The following PRKAG2 variants were observed in gnomAD, a reference collection of about 807,000 sequenced individuals.
PRKAG2 encodes 5'-AMP-activated protein kinase subunit gamma-2.
PRKAG2 carries 26 observed loss-of-function variants against 69.6 expected under a neutral mutation model. The ratio of observed to expected loss-of-function variants is 0.37; its 90% CI spans 0.27 to 0.52. The LOEUF (loss-of-function observed/expected upper bound fraction) is 0.52. PRKAG2 is among the 20% of genes least tolerant of loss of function. PRKAG2 has a pLI of 0.90. For missense variants in PRKAG2, 557 were observed against 740.0 expected (o/e 0.75, Z 2.87); for synonymous variants, 293 against 285.0 (o/e 1.03, Z -0.28).
At chr7:151,717,848 AG>A (rs1182346215) in intron 3 of PRKAG2, among the ~76,000 whole-genome samples, 3 of 152,224 alleles carry the variant, frequency 2.0e-5, no homozygotes, top group African/African-American at 7.2e-5. Flanking sequence ...CCACCAGGAA[AG>A]CATCTCCTCA....
At chr7:151,709,544 T>C (rs548108088) in intron 3 of PRKAG2, among the ~76,000 whole-genome samples, 7 of 152,146 alleles carry the variant, frequency 4.6e-5, no homozygotes, top group Admixed American at 1.3e-4. Flanking sequence ...CATGGTGACA[T>C]TGAGTGACTT....
chr7:151,574,780 A>C (rs991153729), intron 8 of PRKAG2, 111 bp downstream of exon 8: 72 of 1,507,330 alleles, frequency 4.8e-5, no homozygotes, highest in Admixed American at 6.4e-5. Context: ...ACACCATACC[A>C]AAAAAGAAAA....
intron 5 of PRKAG2, among the ~76,000 whole-genome samples, chr7:151,623,874 AAG>A: frequency 6.6e-6 from 1 of 152,264 alleles, no homozygotes; most frequent in African/African-American, 2.4e-5. Flanking sequence ...GAGCCAAGGA[AAG>A]AGGGTAAATA....
intron 8 of PRKAG2, among the ~76,000 whole-genome samples, chr7:151,574,618 C>A (rs1472962311): frequency 6.6e-6 from 1 of 152,144 alleles, no homozygotes; most frequent in Non-Finnish European, 1.5e-5. Context: ...TTCTGCTAAG[C>A]CAAGGAATTC....
intron 5 of PRKAG2, among the ~76,000 whole-genome samples, chr7:151,613,863 G>GC (rs57553002): frequency 0.29 from 40,280 of 138,462 alleles, 5,665 homozygotes; most frequent in Middle Eastern, 0.33. Flanking sequence ...GAGTGCAGTG[G>GC]ACGATCTCGG....
At chr7:151,636,634 A>G (rs1825780631) in intron 4 of PRKAG2, among the ~76,000 whole-genome samples, 1 of 152,112 alleles carries the variant, frequency 6.6e-6, no homozygotes. Context: ...TTGTGTGGAC[A>G]TGTGTTTCAT....
intron 4 of PRKAG2, among the ~76,000 whole-genome samples, chr7:151,657,974 ACAG>A (rs1240766120): frequency 2.6e-5 from 4 of 151,450 alleles, no homozygotes; most frequent in Non-Finnish European, 1.5e-5. Context: ...CCTGGCTAAC[ACAG>A]TGAAACCCCA....
chr7:151,793,758 C>T (rs1022723797), intron 1 of PRKAG2, among the ~76,000 whole-genome samples: 6 of 152,234 alleles, frequency 3.9e-5, no homozygotes, highest in South Asian at 2.1e-4. Context: ...AACCACCAAA[C>T]GGGCAATTCT....
At chr7:151,606,016 C>T (rs2151192358) in intron 5 of PRKAG2, among the ~76,000 whole-genome samples, 1 of 151,766 alleles carries the variant, frequency 6.6e-6, no homozygotes, top group East Asian at 1.9e-4. Context: ...TACTACACTC[C>T]AGCCTGGGGA....
At chr7:151,599,863 G>A (rs1479425521) in intron 5 of PRKAG2, among the ~76,000 whole-genome samples, 1 of 152,142 alleles carries the variant, frequency 6.6e-6, no homozygotes, top group Non-Finnish European at 1.5e-5. Context: ...CCTGGCCCCC[G>A]CCTACCTCCC....
rs1468350978 is a variant in PRKAG2 at position 151,771,431 on chromosome 7, C to T, written c.466+9721G>A. ...AGGGATTATTCCACTTCCTCCTTTC[C>T]TCCTGCACTCTGTTCCAAAGCCAGA... On this transcript the variant is annotated intron_variant, in intron 3 of 15. Transcript: ENST00000287878. This position sits in a 1 kb window ranked among gnomAD's most constrained non-coding sequence, Gnocchi z 4.0. Among the ~76,000 whole-genome samples, 2 of 152,152 alleles carry T rather than the reference C, an allele frequency of 1.3e-5. No individual in the cohort carries two copies. Among genetic ancestry groups the T allele is most frequent in the African/African-American group, 4.8e-5 (2 of 41,420 alleles).
chr7:151,568,956 G>T (rs1806905586), intron 10 of PRKAG2, 114 bp from the exon 11 acceptor site: 1 of 1,236,510 alleles, frequency 8.1e-7, no homozygotes, highest in Non-Finnish European at 1.2e-6. Flanking sequence ...TAATAACAGT[G>T]TTTTGGAAGA....
intron 3 of PRKAG2, among the ~76,000 whole-genome samples, chr7:151,718,460 C>A (rs780860331): frequency 1.2e-4 from 19 of 152,140 alleles, no homozygotes; most frequent in African/African-American, 4.6e-4. Context: ...CAGCACGGCA[C>A]GAGTCCTCCA....
rs201896415 is a variant in PRKAG2 at position 151,634,942 on chromosome 7, T to TTTTG, written c.685-2805_685-2804insCAAA. The stretch of plus-strand genomic sequence containing the variant: ...GGGAATGCAAAATGGAACCACTGTT[T>TTTTG]TTTTTTTTTTTTTTCTTTTTTTTTT... On this transcript the variant is annotated intron_variant, in intron 4 of 15. Coordinates refer to ENST00000287878, the MANE Select transcript of PRKAG2 (RefSeq NM_016203.4). Among the ~76,000 whole-genome samples the TTTTG allele has an allele frequency of 1.3e-3, 196 of 145,324 alleles. 1 individual carries two copies. The highest frequency in any genetic ancestry group is 4.6e-3 in the African/African-American group (176 of 37,870).
rs1796684039 is a variant in PRKAG2 at position 151,719,403 on chromosome 7, G to T, written c.467-43766C>A. 6.6e-6 allele frequency among the ~76,000 whole-genome samples: 1 copy of T among 152,002 alleles called. No homozygotes were observed. The highest frequency in any genetic ancestry group is 2.4e-5 in the African/African-American group (1 of 41,408). On this transcript the variant is annotated intron_variant, in intron 3 of 15. Coordinates refer to ENST00000287878, the MANE Select transcript of PRKAG2 (RefSeq NM_016203.4). The surrounding 1 kb of genome is among the most constrained non-coding windows in gnomAD (Gnocchi z 5.2). ...ACTTCCGCTTCCCCCTTCACACAGA[G>T]ACCATGCTCCCAACCCACCCCAAAC...
chr7:151,782,172 A>G (rs1241603841), intron 2 of PRKAG2, among the ~76,000 whole-genome samples: 1 of 151,962 alleles, frequency 6.6e-6, no homozygotes, highest in Non-Finnish European at 1.5e-5. Flanking sequence ...AATCCCAGCT[A>G]CTCAGGAGGC....
intron 3 of PRKAG2, chr7:151,735,818 G>C (rs1386735326): frequency 1.0e-5 from 15 of 1,505,798 alleles, no homozygotes; most frequent in African/African-American, 1.4e-5. Flanking sequence ...AACAGCTACT[G>C]CTTAGGAGGG....
intron 9 of PRKAG2, chr7:151,572,320 C>T (rs1364235905): frequency 1.1e-5 from 2 of 179,888 alleles, no homozygotes; most frequent in Non-Finnish European, 1.2e-5. Flanking sequence ...TTTCTTAATA[C>T]CAAGGCAAAT....
intron 3 of PRKAG2, among the ~76,000 whole-genome samples, chr7:151,728,109 C>A (rs187057593): frequency 6.6e-6 from 1 of 152,130 alleles, no homozygotes; most frequent in African/African-American, 2.4e-5. Flanking sequence ...GGAGACGCCA[C>A]CTCCTGGGGA....
Sources: gnomAD v4.1 joint callset for allele counts (sites outside exome capture counted in the v4.1 genomes callset) on GRCh38, gnomAD v4.1.1 for gene constraint, Gnocchi (gnomAD v3.1) non-coding constraint, MANE v1.5 for transcripts, NCBI Gene and HGNC (gene_info 2026-07-23, HGNC 2026-07-21) for gene names.